The following ITPR2 variants were observed in gnomAD, a reference collection of about 807,000 sequenced individuals.
ITPR2 encodes inositol 1,4,5-trisphosphate-gated calcium channel ITPR2.
In ITPR2, 207 loss-of-function variants were observed where a neutral mutation model predicts 317.1. The observed-to-expected ratio is 0.65, with a 90% CI of 0.58 to 0.73. The LOEUF is 0.73. Ranked by LOEUF, ITPR2 falls within the 30% of genes least tolerant of loss-of-function variation. The probability of loss-of-function intolerance (pLI) is 0.00; values close to 1 mark genes in which losing one functional copy is unlikely to be tolerated. For synonymous variants in ITPR2, 1,156 were observed against 1,149.1 expected (o/e 1.01, Z -0.12); for missense variants, 2,613 against 3,284.0 (o/e 0.80, Z 4.99).
chr12:26,375,937 A>G (rs749368992), intron 55 of ITPR2, among the ~76,000 whole-genome samples: 5 of 152,172 alleles, frequency 3.3e-5, no homozygotes, highest in Non-Finnish European at 7.4e-5. Context: ...CGCCTCAACT[A>G]AAAATAGAAA....
At chr12:26,606,736 A>G (rs1025005674) in intron 26 of ITPR2, among the ~76,000 whole-genome samples, 7 of 152,246 alleles carry the variant, frequency 4.6e-5, no homozygotes, top group Admixed American at 2.6e-4. Flanking sequence ...GTTTGAGGTT[A>G]GCGTAGGCCA....
Position 26,695,711 on chromosome 12 carries a change from T to C in ITPR2, c.952-61A>G, listed in dbSNP as rs551054952. 22 of 1,014,744 alleles carry C rather than the reference T, an allele frequency of 2.2e-5. No homozygotes were observed. In the Middle Eastern group the frequency reaches 8.2e-4, roughly 38 times the overall value. 62.9% of individuals were successfully genotyped at this position (1,014,744 alleles called of 1,614,324 possible). A position where few individuals can be genotyped will look rare whatever the true frequency, so the allele number is the denominator to read the frequency against. Reference sequence around the variant, plus strand: ...TATGAAAAGCACACTAACAAGACCATTGATCTTCAATTCAATTAATATTCT... The same window carrying C: ...TATGAAAAGCACACTAACAAGACCACTGATCTTCAATTCAATTAATATTCT... On this transcript the variant is annotated intron_variant, in intron 9 of 56. Coordinates refer to ENST00000381340, the MANE Select transcript of ITPR2 (RefSeq NM_002223.4).
intron 2 of ITPR2, among the ~76,000 whole-genome samples, chr12:26,762,829 A>G (rs1247668379): frequency 6.6e-6 from 1 of 152,176 alleles, no homozygotes; most frequent in Non-Finnish European, 1.5e-5. Context: ...AAATTATTAT[A>G]AAAACAATTA....
chr12:26,379,440 A>C (rs1939439841), intron 55 of ITPR2, among the ~76,000 whole-genome samples: 1 of 152,196 alleles, frequency 6.6e-6, no homozygotes, highest in Admixed American at 6.5e-5. Context: ...TAGTGTTGTT[A>C]GTGGCATGAT....
Position 26,387,527 on chromosome 12 carries a change from A to G in ITPR2, c.7764T>C (p.Asn2588=), listed in dbSNP as rs377281866. Residue 2588 remains asparagine (N), a synonymous_variant, in exon 55 of 57, where the codon AAT becomes AAC. Coordinates refer to ENST00000381340, the MANE Select transcript of ITPR2 (RefSeq NM_002223.4). ...CTATGAAGTACAAATAATGCCACAT[A>G]TTGTGTTCTGACTTAATGTGCTCCT... ...SFEEHIKSEH[N]MWHYLYFIVL... 4 of 1,613,650 alleles carry G rather than the reference A, an allele frequency of 2.5e-6. No individual in the cohort carries two copies. The African/African-American group carries it at 5.3e-5, about 22-fold the overall frequency.
intron 2 of ITPR2, among the ~76,000 whole-genome samples, chr12:26,738,725 T>A (rs188104766): frequency 6.6e-6 from 1 of 152,096 alleles, no homozygotes; most frequent in African/African-American, 2.4e-5. Flanking sequence ...CTTATTTCAC[T>A]CTCTCTCCAA....
chr12:26,825,650 G>T (rs1376332092), intron 1 of ITPR2, among the ~76,000 whole-genome samples: 2 of 152,194 alleles, frequency 1.3e-5, no homozygotes, highest in African/African-American at 4.8e-5. Flanking sequence ...AGGAGGGGTG[G>T]TTGTTTACTT....
At chr12:26,459,145 A>G (rs942498825) in intron 45 of ITPR2, among the ~76,000 whole-genome samples, 2 of 152,184 alleles carry the variant, frequency 1.3e-5, no homozygotes, top group Admixed American at 1.3e-4. Flanking sequence ...GCCTCAGGAA[A>G]TCTAGGAGGG....
At position 26,832,728 on chromosome 12, in the gene ITPR2, G is replaced by A; in HGVS notation, c.54C>T (p.Tyr18=). 6.2e-7 allele frequency: 1 copy of A among 1,600,162 alleles called. No individual in the cohort carries two copies. The highest frequency in any genetic ancestry group is 8.5e-7 in the Non-Finnish European group (1 of 1,174,226). Residue 18 remains tyrosine, a synonymous_variant, in exon 1 of 57, where the codon TAC becomes TAT. Transcript: ENST00000381340. The part of the protein sequence containing the change: ...FLYIGDIVSL[Y]AEGSVNGFIS... ...TGAAGCCGTTGACCGAGCCCTCCGC[G>A]TACAGGGACACGATGTCCCCTATGT...
At chr12:26,546,848 T>C (rs1042841785) in intron 37 of ITPR2, among the ~76,000 whole-genome samples, 12 of 152,038 alleles carry the variant, frequency 7.9e-5, no homozygotes, top group Non-Finnish European at 7.4e-5. Flanking sequence ...AATTGGACAG[T>C]CACATGCAGA....
chr12:26,807,180 C>T (rs1278022783), intron 1 of ITPR2, among the ~76,000 whole-genome samples: 1 of 150,842 alleles, frequency 6.6e-6, no homozygotes, highest in Non-Finnish European at 1.5e-5. Context: ...CAGAGCAAGA[C>T]TCTGTCTCAA....
At chr12:26,361,371 A>T (rs1327303248) in intron 55 of ITPR2, among the ~76,000 whole-genome samples, 1 of 152,178 alleles carries the variant, frequency 6.6e-6, no homozygotes, top group South Asian at 2.1e-4. Flanking sequence ...ATCATATAAG[A>T]TTTATCACAA....
At chr12:26,637,854 T>G (rs1448674327) in intron 21 of ITPR2, among the ~76,000 whole-genome samples, 1 of 152,192 alleles carries the variant, frequency 6.6e-6, no homozygotes. Flanking sequence ...GAGTGTTTAA[T>G]AAAGAATACT....
At chr12:26,763,338 G>T (rs1949668955) in intron 2 of ITPR2, among the ~76,000 whole-genome samples, 1 of 151,844 alleles carries the variant, frequency 6.6e-6, no homozygotes, top group South Asian at 2.1e-4. Flanking sequence ...GTAATCAAAG[G>T]CAATGAAATA....
intron 55 of ITPR2, among the ~76,000 whole-genome samples, chr12:26,357,491 G>A (rs11048479): frequency 0.16 from 24,808 of 152,108 alleles, 2,240 homozygotes; most frequent in African/African-American, 0.22. Context: ...CTCTTGATTT[G>A]TATGCTTTAT....
intron 55 of ITPR2, among the ~76,000 whole-genome samples, chr12:26,351,863 C>T (rs1027942353): frequency 2.6e-5 from 4 of 152,174 alleles, no homozygotes; most frequent in Non-Finnish European, 4.4e-5. Flanking sequence ...CATCTCCTGT[C>T]CTCCTTTGAA....
intron 45 of ITPR2, among the ~76,000 whole-genome samples, chr12:26,457,518 T>C (rs1328078225): frequency 6.6e-6 from 1 of 152,228 alleles, no homozygotes; most frequent in Non-Finnish European, 1.5e-5. Flanking sequence ...TCATTGTTGC[T>C]ACTGTGTTAG....
At chr12:26,651,743 G>GGTTTATAGGATCTCTT (rs1361350893) in intron 21 of ITPR2, among the ~76,000 whole-genome samples, 2 of 152,172 alleles carry the variant, frequency 1.3e-5, no homozygotes, top group African/African-American at 4.8e-5. Flanking sequence ...ACAAGGAGCG[G>GGTTTATAGGATCTCTT]GTTTATAGGA....
chr12:26,702,295 T>C (rs1948457942), intron 9 of ITPR2, among the ~76,000 whole-genome samples: 1 of 151,790 alleles, frequency 6.6e-6, no homozygotes, highest in African/African-American at 2.4e-5. Context: ...TGCTCTGTAT[T>C]ACTTCATGAG....
Sources: gnomAD v4.1 joint callset for allele counts (sites outside exome capture counted in the v4.1 genomes callset) on GRCh38, gnomAD v4.1.1 for gene constraint, MANE v1.5 for transcripts, NCBI Gene and HGNC (gene_info 2026-07-23, HGNC 2026-07-21) for gene names.